Variants in EPHA6 observed in about 807,000 individuals in gnomAD.
EPHA6 encodes ephrin type-A receptor 6.
In EPHA6, 50 loss-of-function variants were observed where a neutral mutation model predicts 112.0. The observed-to-expected ratio is 0.45, with a 90% confidence interval of 0.36 to 0.56. The LOEUF (loss-of-function observed/expected upper bound fraction) is 0.56. Ranked by LOEUF, EPHA6 falls within the 20% of genes least tolerant of loss-of-function variation. EPHA6 has a pLI of 0.00. For missense variants in EPHA6, 1,280 were observed against 1,417.4 expected, an observed-to-expected ratio of 0.90 and a Z score of 1.56; for synonymous variants, 529 against 490.7, an observed-to-expected ratio of 1.08 and a Z score of -1.03.
At chr3:97,682,022 A>C (rs962034343) in intron 14 of EPHA6, among the ~76,000 whole-genome samples, 5 of 152,146 alleles carry the variant, frequency 3.3e-5, no homozygotes, top group Non-Finnish European at 7.4e-5. Context: ...TTTATATGCC[A>C]AGCTGAAAGT....
At chr3:97,505,332 C>G (rs1466846521) in intron 10 of EPHA6, among the ~76,000 whole-genome samples, 1 of 152,024 alleles carries the variant, frequency 6.6e-6, no homozygotes, top group African/African-American at 2.4e-5. Flanking sequence ...AATGCTATCC[C>G]TCCCCTAGCC....
At chr3:97,440,914 T>A (rs1436151684) in intron 6 of EPHA6, among the ~76,000 whole-genome samples, 1 of 151,788 alleles carries the variant, frequency 6.6e-6, no homozygotes, top group East Asian at 1.9e-4. Context: ...TCAATAAATA[T>A]AAAGGAAATA....
intron 5 of EPHA6, among the ~76,000 whole-genome samples, chr3:97,360,955 G>A (rs2108933108): frequency 6.6e-6 from 1 of 152,270 alleles, no homozygotes; most frequent in Middle Eastern, 3.4e-3. Flanking sequence ...GCTCAGTGAA[G>A]TATCTCTGTA....
chr3:96,975,644 G>T (rs934053642), intron 2 of EPHA6, among the ~76,000 whole-genome samples: 1 of 152,084 alleles, frequency 6.6e-6, no homozygotes, highest in African/African-American at 2.4e-5. Context: ...ATGAAAGAAA[G>T]AATTCCTTGG....
At chr3:97,276,310 G>C (rs1398031594) in intron 5 of EPHA6, among the ~76,000 whole-genome samples, 1 of 152,140 alleles carries the variant, frequency 6.6e-6, no homozygotes, top group African/African-American at 2.4e-5. Flanking sequence ...AGTTCCAGGG[G>C]CTCTGGGAGT....
At chr3:97,493,570 A>G (rs1245804236) in intron 10 of EPHA6, among the ~76,000 whole-genome samples, 1 of 151,544 alleles carries the variant, frequency 6.6e-6, no homozygotes, top group Non-Finnish European at 1.5e-5. Context: ...AGATGCTGTC[A>G]CATTGAGTTA....
chr3:97,143,677 A>G (rs917671886), intron 3 of EPHA6, among the ~76,000 whole-genome samples: 5 of 151,764 alleles, frequency 3.3e-5, no homozygotes, highest in African/African-American at 1.2e-4. Context: ...AATATATAGT[A>G]TTATTGTTAT....
intron 3 of EPHA6, among the ~76,000 whole-genome samples, chr3:97,161,824 G>C (rs1452689403): frequency 6.6e-6 from 1 of 152,172 alleles, no homozygotes; most frequent in Non-Finnish European, 1.5e-5. Flanking sequence ...TCAGCATAGT[G>C]TCATCAATGT....
At chr3:96,993,301 T>C (rs988219923) in intron 3 of EPHA6, among the ~76,000 whole-genome samples, 2 of 150,430 alleles carry the variant, frequency 1.3e-5, no homozygotes, top group African/African-American at 4.9e-5. Context: ...CCCCATTCTT[T>C]TTTTTTTTTT....
intron 6 of EPHA6, among the ~76,000 whole-genome samples, chr3:97,411,347 A>G (rs555410198): frequency 1.3e-5 from 2 of 152,178 alleles, no homozygotes; most frequent in African/African-American, 2.4e-5. Context: ...CAGCATCTGT[A>G]TGGTATACCC....
At chr3:97,689,537 C>G (rs996339540) in intron 14 of EPHA6, among the ~76,000 whole-genome samples, 2 of 152,182 alleles carry the variant, frequency 1.3e-5, no homozygotes, top group Admixed American at 6.5e-5. Flanking sequence ...TTCCTAGCTC[C>G]CACTCCCTGC....
At chr3:97,191,042 T>A (rs1576652539) in intron 3 of EPHA6, among the ~76,000 whole-genome samples, 1 of 152,106 alleles carries the variant, frequency 6.6e-6, no homozygotes, top group African/African-American at 2.4e-5. Context: ...GTCTCCTCGC[T>A]CCCTAGCCTC....
chr3:97,567,065 TGTCTA>T (rs1244207818), intron 11 of EPHA6, among the ~76,000 whole-genome samples: 1 of 152,168 alleles, frequency 6.6e-6, no homozygotes, highest in Non-Finnish European at 1.5e-5. Context: ...CAAAAGCAGA[TGTCTA>T]GTATTTTCGG....
intron 8 of EPHA6, among the ~76,000 whole-genome samples, chr3:97,476,946 C>G (rs1368321815): frequency 6.6e-6 from 1 of 151,798 alleles, no homozygotes; most frequent in Non-Finnish European, 1.5e-5. Context: ...TAGAATAATG[C>G]CAGCTACAGT....
chr3:97,113,646 C>CA (rs1312950550), intron 3 of EPHA6, among the ~76,000 whole-genome samples: 3 of 151,496 alleles, frequency 2.0e-5, no homozygotes, highest in East Asian at 3.9e-4. Context: ...AGAGCACCCA[C>CA]AAAAAAAAGT....
At chr3:96,901,392 C>T (rs953020023) in intron 2 of EPHA6, among the ~76,000 whole-genome samples, 2 of 152,026 alleles carry the variant, frequency 1.3e-5, no homozygotes, top group South Asian at 4.2e-4. Flanking sequence ...TTTGTCATTG[C>T]CTTCCAACTG....
intron 2 of EPHA6, among the ~76,000 whole-genome samples, chr3:96,881,839 G>T (rs1021449652): frequency 1.3e-5 from 2 of 152,156 alleles, no homozygotes; most frequent in Non-Finnish European, 2.9e-5. Flanking sequence ...AAACAAAGGG[G>T]CTACGGGCCC....
At chr3:97,022,528 C>G (rs553550240) in intron 3 of EPHA6, among the ~76,000 whole-genome samples, 1 of 152,292 alleles carries the variant, frequency 6.6e-6, no homozygotes, top group Admixed American at 6.5e-5. Flanking sequence ...GGGTGGGCTT[C>G]AAGACATCTC....
At chr3:96,985,195 C>T (rs565461237) in intron 2 of EPHA6, among the ~76,000 whole-genome samples, 5 of 152,048 alleles carry the variant, frequency 3.3e-5, no homozygotes, top group Admixed American at 6.6e-5. Flanking sequence ...TTGGAAACAC[C>T]CCCCGGAATA....
Sources: allele counts gnomAD v4.1 joint callset (sites outside exome capture counted in the v4.1 genomes callset), GRCh38; gene constraint gnomAD v4.1.1; transcripts MANE v1.5; gene names NCBI Gene and HGNC (gene_info 2026-07-23, HGNC 2026-07-21).